ATM: variants seen among roughly 807,000 people sequenced by gnomAD.
ATM encodes ATM serine/threonine kinase.
ATM carries 308 observed loss-of-function variants against 387.0 expected under a neutral mutation model. That is an observed-to-expected ratio of 0.80 (90% confidence interval 0.73 to 0.87). The LOEUF is 0.87. Ranked by LOEUF, ATM falls within the 40% of genes least tolerant of loss-of-function variation. The pLI, the probability that ATM is intolerant of heterozygous loss-of-function variation, is 0.00. For missense variants in ATM, 3,312 were observed against 3,560.9 expected, an observed-to-expected ratio of 0.93 and a Z score of 1.78; for synonymous variants, 1,156 against 1,187.3, an observed-to-expected ratio of 0.97 and a Z score of 0.54.
At position 108,299,887 on chromosome 11, in the gene ATM, T is replaced by C; in HGVS notation, c.5177+2T>C. On this transcript the variant is annotated splice_donor_variant, in intron 34 of 62. Transcript: ENST00000675843. LOFTEE classifies it high-confidence loss of function. The stretch of plus-strand genomic sequence containing the variant: ...GAATAACACACTGGTAGAAGATTGG[T>C]GAGTATTTATTGATACCTTATATGT... 1 of 1,612,624 alleles carries C rather than the reference T, an allele frequency of 6.2e-7. No homozygotes were observed. The highest frequency in any genetic ancestry group is 8.5e-7 in the Non-Finnish European group (1 of 1,178,870).
chr11:108,336,096 A>G (rs1018105410), intron 56 of ATM, 135 bp downstream of exon 56: 1 of 677,618 alleles, frequency 1.5e-6, no homozygotes. Context: ...CAGGAGTTCG[A>G]GACCAGCCTC....
chr11:108,331,377 C>A, intron 50 of ATM, 67 bp from the exon 51 acceptor site: 1 of 1,555,460 alleles, frequency 6.4e-7, no homozygotes. Context: ...AAATAACTTA[C>A]TTGCTTAGAT....
At chr11:108,321,256 A>G in intron 44 of ATM, 45 bp from the exon 45 acceptor site, 1 of 1,611,798 alleles carries the variant, frequency 6.2e-7, no homozygotes, top group Non-Finnish European at 8.5e-7. Context: ...TTTCCCTGAA[A>G]ACCTCTTCTT....
intron 25 of ATM, among the ~76,000 whole-genome samples, chr11:108,283,874 A>T (rs145265003): frequency 6.4e-4 from 98 of 152,286 alleles, no homozygotes; most frequent in Middle Eastern, 3.4e-3. Flanking sequence ...TCAAGGGTCA[A>T]CTGCATTTAT....
chr11:108,276,906 C>T lies in ATM; in HGVS notation c.3285-2585C>T, dbSNP rs747997329. On this transcript the variant is annotated intron_variant, in intron 22 of 62. Coordinates refer to ENST00000675843, the MANE Select transcript of ATM (RefSeq NM_000051.4). ...AGCTCGAGCGCTGTGCTGGGAGATC[C>T]GCTATTCTCTTCAGAGCTGGCAGGC... is the stretch of plus-strand genomic sequence containing the variant. 5.9e-5 allele frequency among the ~76,000 whole-genome samples: 9 copies of T among 152,280 alleles called. No homozygotes were observed. In the East Asian group the frequency reaches 7.7e-4, roughly 13 times the overall value.
intron 44 of ATM, 76 bp from the exon 45 acceptor site, chr11:108,321,225 A>G: frequency 6.3e-7 from 1 of 1,587,228 alleles, no homozygotes; most frequent in Non-Finnish European, 8.6e-7. Flanking sequence ...AGAACTCTTT[A>G]ACAACAAATT....
At chr11:108,252,160 T>A (rs1463572208) in intron 11 of ATM, 129 bp downstream of exon 11, 1 of 803,290 alleles carries the variant, frequency 1.2e-6, no homozygotes, top group Non-Finnish European at 1.9e-6. Context: ...ACCTTAATTA[T>A]TAAATATTAT....
intron 1 of ATM, chr11:108,225,343 A>G (rs2078685482): frequency 6.6e-6 from 1 of 152,260 alleles, no homozygotes; most frequent in South Asian, 2.1e-4. Context: ...TCTGTAATCT[A>G]TAGCAGAGTA....
Position 108,353,845 on chromosome 11 carries a change from C to T in ATM, c.8751C>T (p.Gly2917=), listed in dbSNP as rs779858366. 1.9e-6 allele frequency: 3 copies of T among 1,613,812 alleles called. No homozygotes were observed. The highest frequency in any genetic ancestry group is 2.5e-6 in the Non-Finnish European group (3 of 1,179,944). ...PFRLTRDIVD[G]MGITGVEGVF... is the part of the protein sequence containing the mutation. ...GACTCACCAGAGATATTGTGGATGG[C>T]ATGGGCATTACGGGTGTTGAAGGTG... is the stretch of plus-strand genomic sequence containing the variant. The change falls in exon 60 of 63, where the codon GGC becomes GGT. Residue 2917 remains glycine, a synonymous_variant. Coordinates refer to ENST00000675843, the MANE Select transcript of ATM (RefSeq NM_000051.4).
chr11:108,250,819 AC>A lies in ATM; in HGVS notation c.1355del (p.Thr452AsnfsTer21), dbSNP rs587781776. 1.7e-5 allele frequency: 27 copies of A among 1,614,094 alleles called. No individual in the cohort carries two copies. The highest frequency in any genetic ancestry group is 2.2e-5 in the Non-Finnish European group (26 of 1,180,034). On this transcript the variant is annotated frameshift_variant, in exon 10 of 63. Coordinates refer to ENST00000675843, the MANE Select transcript of ATM (RefSeq NM_000051.4). LOFTEE classifies it high-confidence loss of function. ...LLPQQRHGER[T>X]PYVLRCLTEV... is the part of the protein sequence containing the mutation. ...ACCCCAACAGCGACATGGGGAACGT[AC>A]ACCATATGTGTTACGATGCCTTACG...
intron 31 of ATM, among the ~76,000 whole-genome samples, chr11:108,294,189 G>A (rs1398451188): frequency 3.3e-5 from 5 of 152,024 alleles, no homozygotes; most frequent in South Asian, 4.1e-4. Context: ...TAGAGATAAC[G>A]TTTAACTTTT....
chr11:108,257,345 A>C, intron 14 of ATM, 136 bp from the exon 15 acceptor site: 1 of 1,135,886 alleles, frequency 8.8e-7, no homozygotes, highest in Non-Finnish European at 1.2e-6. Flanking sequence ...GGAACTTCTA[A>C]AAACATTTCA....
chr11:108,296,887 T>TGGTGGTCG, intron 32 of ATM: 1 of 265,678 alleles, frequency 3.8e-6, no homozygotes, highest in Non-Finnish European at 7.4e-6. Flanking sequence ...TATAGACATT[T>TGGTGGTCG]CCATCATTGC....
intron 22 of ATM, among the ~76,000 whole-genome samples, chr11:108,275,419 T>C (rs553770895): frequency 6.6e-6 from 1 of 152,294 alleles, no homozygotes; most frequent in South Asian, 2.1e-4. Context: ...GCTAACTGGT[T>C]ATTTTGCCCA....
intron 22 of ATM, 114 bp from the exon 23 acceptor site, chr11:108,279,377 T>C (rs2135640624): frequency 1.3e-6 from 1 of 780,492 alleles, no homozygotes; most frequent in Non-Finnish European, 2.2e-6. Context: ...GCTAGTATGT[T>C]ATTATGTCTC....
At chr11:108,323,721 C>T (rs925790385) in intron 45 of ATM, among the ~76,000 whole-genome samples, 4 of 152,034 alleles carry the variant, frequency 2.6e-5, no homozygotes, top group African/African-American at 9.7e-5. Flanking sequence ...TAAAAAGAAA[C>T]ACCTAAAGAA....
intron 16 of ATM, 115 bp from the exon 17 acceptor site, chr11:108,267,056 A>G: frequency 9.2e-7 from 1 of 1,089,016 alleles, no homozygotes; most frequent in Non-Finnish European, 1.4e-6. Flanking sequence ...TCTGCCTCCC[A>G]AATTGCTGAG....
chr11:108,256,642 C>G (rs2080510681), intron 14 of ATM, among the ~76,000 whole-genome samples: 1 of 152,070 alleles, frequency 6.6e-6, no homozygotes, highest in Admixed American at 6.6e-5. Context: ...GCATTAGGTA[C>G]TTCTCCTAAT....
At chr11:108,356,967 C>A (rs1227841797) in intron 61 of ATM, among the ~76,000 whole-genome samples, 1 of 152,208 alleles carries the variant, frequency 6.6e-6, no homozygotes, top group East Asian at 1.9e-4. Context: ...AGGAACAGCT[C>A]CGGTATACAG....
Sources: allele counts gnomAD v4.1 joint callset (sites outside exome capture counted in the v4.1 genomes callset), GRCh38; gene constraint gnomAD v4.1.1; transcripts MANE v1.5; gene names NCBI Gene and HGNC (gene_info 2026-07-23, HGNC 2026-07-21).